ARGFX: variants seen among roughly 807,000 people sequenced by gnomAD.
ARGFX encodes the protein arginine-fifty homeobox.
ARGFX carries 10 observed loss-of-function variants against 8.0 expected under a neutral mutation model. The ratio of observed to expected loss-of-function variants is 1.25; its 90% CI spans 0.77 to 2.12. ARGFX has a LOEUF of 2.12. ARGFX is among the 30% of genes most tolerant of loss of function. ARGFX has a pLI of 0.00. For missense variants in ARGFX, 282 were observed against 324.3 expected (o/e 0.87, Z 1.00); for synonymous variants, 116 against 117.8 (o/e 0.98, Z 0.10).
chr3:121,583,429 T>C (rs752683379), intron 3 of ARGFX, among the ~76,000 whole-genome samples: 1 of 151,766 alleles, frequency 6.6e-6, no homozygotes, highest in Non-Finnish European at 1.5e-5. Flanking sequence ...TATTTTGTTT[T>C]ATTTTATTTT....
In ARGFX at chr3:121,590,568, G is replaced by C. The variant is rs2048838074; in HGVS notation, c.*3968G>C. On this transcript the variant is annotated 3_prime_UTR_variant, in exon 5 of 5. Coordinates refer to ENST00000334384, the MANE Select transcript of ARGFX (RefSeq NM_001012659.2). The stretch of plus-strand genomic sequence containing the variant: ...GGTGTGGCCCCTCCATCTTCCGTCT[G>C]AGACTGGAAGACTTCCCAGCCTTCA... Among the ~76,000 whole-genome samples the C allele has an allele frequency of 6.6e-6, 1 of 151,476 alleles. No individual in the cohort carries two copies. Among genetic ancestry groups the C allele is most frequent in the African/African-American group, 2.4e-5 (1 of 41,194 alleles).
At position 121,586,550 on chromosome 3, in the gene ARGFX, A is replaced by G; in HGVS notation, c.898A>G (p.Ser300Gly). Residue 300 changes from serine (S) to glycine (G), a missense_variant, in exon 5 of 5, where the codon AGC becomes GGC. By Grantham distance (56) the Ser-to-Gly change is moderately conservative. Transcript: ENST00000334384. The stretch of plus-strand genomic sequence containing the variant: ...CTTTGAAGCCTACAGTCTAACAGAT[A>G]GCCTGGAATTCCAGAAAACCTCCAA... ...QAFEAYSLTD[S>G]LEFQKTSNMV... 6.2e-7 allele frequency: 1 copy of G among 1,614,112 alleles called. No individual in the cohort carries two copies.
chr3:121,573,463 A>G (rs1307081949), intron 2 of ARGFX, among the ~76,000 whole-genome samples: 1 of 151,656 alleles, frequency 6.6e-6, no homozygotes, highest in East Asian at 1.9e-4. Context: ...GATGACAGAG[A>G]GAGAGAGACT....
chr3:121,579,766 C>A (rs1266909965), intron 3 of ARGFX, among the ~76,000 whole-genome samples: 1 of 152,038 alleles, frequency 6.6e-6, no homozygotes, highest in Non-Finnish European at 1.5e-5. Flanking sequence ...AAGGCTGAGG[C>A]AGGAGGATCC....
chr3:121,584,639 TC>T (rs1480740211), intron 3 of ARGFX, among the ~76,000 whole-genome samples: 2 of 152,186 alleles, frequency 1.3e-5, no homozygotes, highest in Non-Finnish European at 2.9e-5. Flanking sequence ...GGAGCCAGTT[TC>T]CAGAGTGAAC....
Position 121,586,134 on chromosome 3 carries a change from C to T in ARGFX, c.482C>T (p.Thr161Ile), listed in dbSNP as rs146404354. Residue 161 changes from threonine (T) to isoleucine (I), a missense_variant, in exon 5 of 5, where the codon ACA becomes ATA. By Grantham distance (89) the Thr-to-Ile change is moderately conservative (BLOSUM62 -1). Transcript: ENST00000334384. ...AAGAATGTGCCCACCTCCCCCAGAA[C>T]ATCCCCCAGTCCTTATGCTTTTTCT... The part of the protein sequence containing the change: ...SKKNVPTSPR[T>I]SPSPYAFSPV... The T allele has an allele frequency of 4.0e-3, 6,459 of 1,613,906 alleles. 16 individuals carry two copies. Among genetic ancestry groups the T allele is most frequent in the Non-Finnish European group, 5.2e-3 (6,081 of 1,179,948 alleles).
chr3:121,579,952 T>TC, intron 3 of ARGFX, among the ~76,000 whole-genome samples: 1 of 79,302 alleles, frequency 1.3e-5, no homozygotes, highest in African/African-American at 4.7e-5. Context: ...TTTCTTTTTT[T>TC]TTTTTTTTTT....
chr3:121,576,827 G>A lies in ARGFX; in HGVS notation c.147G>A (p.Ser49=), dbSNP rs759712891. 14 of 414,734 alleles carry A rather than the reference G, an allele frequency of 3.4e-5. No individual in the cohort carries two copies. The East Asian group carries it at 7.8e-4, about 23-fold the overall frequency. 25.7% of individuals were successfully genotyped at this position (414,734 alleles called of 1,614,324 possible). The change falls in exon 3 of 5, where the codon TCG becomes TCA. Residue 49 remains serine (S), a synonymous_variant. Transcript: ENST00000334384. ...LSKLECSGTV[S]AYCSLNLPGS... ...AGCTGGAGTGCAGTGGCACGGTCTC[G>A]GCTTACTGCAGCCTCAACCTCCCAG...
At chr3:121,568,947 A>G (rs6786208) in intron 1 of ARGFX, among the ~76,000 whole-genome samples, 78,379 of 152,120 alleles carry the variant, frequency 0.52, 21,011 homozygotes, top group East Asian at 0.66. Context: ...AAAAATTGTT[A>G]AGGACTCCAA....
At chr3:121,580,594 G>GTA (rs1553835375) in intron 3 of ARGFX, among the ~76,000 whole-genome samples, 1,145 of 73,382 alleles carry the variant, frequency 0.016, 15 homozygotes, top group African/African-American at 0.043. Flanking sequence ...GTGTGTGTGT[G>GTA]TATATATATA....
chr3:121,583,015 T>C (rs988791757), intron 3 of ARGFX, among the ~76,000 whole-genome samples: 3 of 144,636 alleles, frequency 2.1e-5, no homozygotes, highest in Non-Finnish European at 4.5e-5. Flanking sequence ...CAAATTTTGA[T>C]AATTGCGGGA....
intron 2 of ARGFX, among the ~76,000 whole-genome samples, chr3:121,573,333 T>A (rs1006003961): frequency 2.7e-5 from 4 of 149,630 alleles, no homozygotes; most frequent in African/African-American, 9.9e-5. Flanking sequence ...ATACAAAAAT[T>A]AGCCAGGCGT....
intron 2 of ARGFX, among the ~76,000 whole-genome samples, chr3:121,575,156 C>T (rs1340723029): frequency 6.6e-6 from 1 of 151,960 alleles, no homozygotes; most frequent in African/African-American, 2.4e-5. Context: ...CCCATCTCTA[C>T]TAAAAATACA....
intron 1 of ARGFX, among the ~76,000 whole-genome samples, chr3:121,569,567 T>C (rs1194422431): frequency 6.6e-6 from 1 of 152,114 alleles, no homozygotes; most frequent in Non-Finnish European, 1.5e-5. Context: ...GGCTTTACCA[T>C]GTTGGTCAGG....
intron 3 of ARGFX, among the ~76,000 whole-genome samples, chr3:121,582,709 T>G (rs1397631367): frequency 6.6e-6 from 1 of 152,102 alleles, no homozygotes. Context: ...TACTTTTATT[T>G]TATTTATTTT....
Position 121,587,484 on chromosome 3 carries a change from G to A in ARGFX, c.*884G>A, listed in dbSNP as rs541917401. Among the ~76,000 whole-genome samples, 42 of 152,206 alleles carry A rather than the reference G, an allele frequency of 2.8e-4. No individual in the cohort carries two copies. In the South Asian group the frequency reaches 7.9e-3, roughly 29 times the overall value. On this transcript the variant is annotated 3_prime_UTR_variant, in exon 5 of 5. Transcript: ENST00000334384. ...AATACAGGAGTGCACCATCGCACCC[G>A]GCTGGGTTATCTAGTTTAAAAACAC...
chr3:121,575,274 C>T (rs530774341), intron 2 of ARGFX, among the ~76,000 whole-genome samples: 19 of 150,582 alleles, frequency 1.3e-4, no homozygotes, highest in African/African-American at 3.9e-4. Flanking sequence ...GAGCCAAGAT[C>T]GTGCCACTGC....
Position 121,588,239 on chromosome 3 carries a change from G to C in ARGFX, c.*1639G>C, listed in dbSNP as rs539719823. On this transcript the variant is annotated 3_prime_UTR_variant, in exon 5 of 5. Coordinates refer to ENST00000334384, the MANE Select transcript of ARGFX (RefSeq NM_001012659.2). ...TCCCAGCACTTTGGGAGGCCGAGGCGGGCGGATCACGAGGTCAGGAGATTG... is the reference window on the plus strand; with the variant it reads ...TCCCAGCACTTTGGGAGGCCGAGGCCGGCGGATCACGAGGTCAGGAGATTG... Among the ~76,000 whole-genome samples, 9 of 150,212 alleles carry C rather than the reference G, an allele frequency of 6.0e-5. No individual in the cohort carries two copies. The highest frequency in any genetic ancestry group is 2.2e-4 in the African/African-American group (9 of 40,964).
At position 121,570,699 on chromosome 3, in the gene ARGFX, C is replaced by G. The variant is rs771401739; in HGVS notation, c.-12-3C>G. The G allele has an allele frequency of 1.9e-6, 3 of 1,584,016 alleles. No individual in the cohort carries two copies. Among genetic ancestry groups the G allele is most frequent in the Non-Finnish European group, 2.6e-6 (3 of 1,161,520 alleles). ...TCCCTATCTCATAGGCCTTCCATCT[C>G]AGATTTCAGAAACCATGAGGAACAG... On this transcript the variant is annotated splice_region_variant and splice_polypyrimidine_tract_variant and intron_variant, in intron 1 of 4. Coordinates refer to ENST00000334384, the MANE Select transcript of ARGFX (RefSeq NM_001012659.2).
Sources: allele counts gnomAD v4.1 joint callset (sites outside exome capture counted in the v4.1 genomes callset), GRCh38; gene constraint gnomAD v4.1.1; transcripts MANE v1.5; gene names NCBI Gene and HGNC (gene_info 2026-07-23, HGNC 2026-07-21).